Variants in TAFA2 observed in about 807,000 individuals in gnomAD.
TAFA2 encodes chemokine-like protein TAFA-2.
Under a neutral mutation model 18.8 loss-of-function variants are expected in TAFA2, and 7 were observed. That is an observed-to-expected ratio of 0.37 (90% confidence interval 0.21 to 0.70). The LOEUF (loss-of-function observed/expected upper bound fraction) is 0.70, where lower values mean the gene tolerates loss of function less well. Ranked by LOEUF, TAFA2 falls within the 30% of genes least tolerant of loss-of-function variation. TAFA2 has a pLI of 0.53. For missense variants in TAFA2, 122 were observed against 158.1 expected (o/e 0.77, Z 1.23); for synonymous variants, 60 against 54.2 (o/e 1.11, Z -0.47).
intron 1 of TAFA2, among the ~76,000 whole-genome samples, chr12:61,871,497 A>C (rs959315355): frequency 6.6e-6 from 1 of 152,238 alleles, no homozygotes; most frequent in Non-Finnish European, 1.5e-5. Flanking sequence ...TGAATTTTGC[A>C]AAAAGCAAAA....
chr12:61,785,538 T>C (rs996480482), intron 2 of TAFA2, among the ~76,000 whole-genome samples: 2 of 151,528 alleles, frequency 1.3e-5, no homozygotes, highest in African/African-American at 2.4e-5. Context: ...GGCCAGATTA[T>C]TTCTACTTGT....
At chr12:61,931,758 A>G (rs763354757) in intron 1 of TAFA2, among the ~76,000 whole-genome samples, 1 of 152,172 alleles carries the variant, frequency 6.6e-6, no homozygotes, top group African/African-American at 2.4e-5. Context: ...GTGGGCTTAT[A>G]TAGCAACTTT....
intron 1 of TAFA2, among the ~76,000 whole-genome samples, chr12:62,203,987 C>T (rs1224054735): frequency 6.6e-6 from 1 of 152,082 alleles, no homozygotes; most frequent in Non-Finnish European, 1.5e-5. Context: ...TTTTCTTTTC[C>T]ACATTTAGTG....
intron 1 of TAFA2, among the ~76,000 whole-genome samples, chr12:62,022,614 C>G (rs940832205): frequency 2.6e-5 from 4 of 152,152 alleles, no homozygotes; most frequent in African/African-American, 9.7e-5. Flanking sequence ...TCTTGTCGAA[C>G]TGGGTACTTA....
chr12:61,750,562 G>A (rs1466075392), intron 4 of TAFA2, among the ~76,000 whole-genome samples: 1 of 152,068 alleles, frequency 6.6e-6, no homozygotes, highest in Non-Finnish European at 1.5e-5. Flanking sequence ...CACATTTGTA[G>A]TAAGTACAAT....
chr12:62,081,920 A>C (rs920320745), intron 1 of TAFA2, among the ~76,000 whole-genome samples: 1 of 151,968 alleles, frequency 6.6e-6, no homozygotes, highest in Non-Finnish European at 1.5e-5. Flanking sequence ...TCCGTTAGCT[A>C]TTCTTCCTGA....
Position 61,836,578 on chromosome 12 carries a change from T to C in TAFA2, c.106+30742A>G, listed in dbSNP as rs115224989. 8.9e-3 allele frequency among the ~76,000 whole-genome samples: 1,344 copies of C among 151,776 alleles called. 20 individuals carry two copies. The highest frequency in any genetic ancestry group is 0.031 in the African/African-American group (1,279 of 41,472). On this transcript the variant is annotated intron_variant, in intron 2 of 4. Coordinates refer to ENST00000416284, the MANE Select transcript of TAFA2 (RefSeq NM_178539.5). ...TAATCACTGCTAATCTCAATTACAC[T>C]GAGTAACTTATTCCTTAACAAAATC...
chr12:62,235,762 T>C (rs1484422365), intron 1 of TAFA2, among the ~76,000 whole-genome samples: 2 of 152,154 alleles, frequency 1.3e-5, no homozygotes, highest in Non-Finnish European at 2.9e-5. Flanking sequence ...TTGTTTGTTT[T>C]TGTTTTTTAG....
chr12:61,990,792 G>T (rs987768041), intron 1 of TAFA2, among the ~76,000 whole-genome samples: 1 of 152,142 alleles, frequency 6.6e-6, no homozygotes, highest in Non-Finnish European at 1.5e-5. Context: ...CATTCTAACT[G>T]CTTGAATCCG....
intron 1 of TAFA2, among the ~76,000 whole-genome samples, chr12:61,887,850 T>C (rs1478650582): frequency 2.6e-5 from 4 of 151,712 alleles, no homozygotes; most frequent in Non-Finnish European, 1.5e-5. Flanking sequence ...GACATTTGGG[T>C]TGGTTCCAAG....
chr12:61,838,336 A>T (rs934783125), intron 2 of TAFA2, among the ~76,000 whole-genome samples: 12 of 152,048 alleles, frequency 7.9e-5, no homozygotes, highest in Non-Finnish European at 1.6e-4. Context: ...ATTTGCTTCC[A>T]ATAAATCCCG....
chr12:62,160,206 T>C (rs370297848), intron 1 of TAFA2, among the ~76,000 whole-genome samples: 90 of 152,330 alleles, frequency 5.9e-4, no homozygotes, highest in African/African-American at 2.2e-3. Flanking sequence ...GATGTCCCTG[T>C]TGGGCTTTCT....
intron 2 of TAFA2, among the ~76,000 whole-genome samples, chr12:61,811,710 A>G (rs1270957876): frequency 2.0e-5 from 3 of 151,402 alleles, no homozygotes; most frequent in Non-Finnish European, 4.4e-5. Context: ...ATTACAATTA[A>G]TATTGGCCCT....
At chr12:61,909,614 A>G (rs755631106) in intron 1 of TAFA2, among the ~76,000 whole-genome samples, 1 of 152,210 alleles carries the variant, frequency 6.6e-6, no homozygotes, top group East Asian at 1.9e-4. Context: ...AGCGATAGTC[A>G]TGTGGGAAGG....
chr12:61,972,377 A>G (rs1879279004), intron 1 of TAFA2, among the ~76,000 whole-genome samples: 1 of 151,364 alleles, frequency 6.6e-6, no homozygotes, highest in African/African-American at 2.4e-5. Context: ...AAAGTTGAGA[A>G]GGGAAGATCC....
At chr12:62,006,114 A>G (rs554152010) in intron 1 of TAFA2, among the ~76,000 whole-genome samples, 15 of 152,224 alleles carry the variant, frequency 9.9e-5, no homozygotes, top group Non-Finnish European at 2.2e-4. Flanking sequence ...TTTGAACAGT[A>G]TAAAATCTAC....
At position 61,785,355 on chromosome 12, in the gene TAFA2, G is replaced by T. The variant is rs913472157; in HGVS notation, c.107-30331C>A. Among the ~76,000 whole-genome samples the T allele has an allele frequency of 3.2e-4, 41 of 127,512 alleles. No homozygotes were observed. The East Asian group carries it at 9.6e-3, about 30-fold the overall frequency. 83.7% of individuals were successfully genotyped at this position (127,512 alleles called of 152,430 possible). The stretch of plus-strand genomic sequence containing the variant: ...TGTGTGTGTGTGTGTGTGTGTGTGT[G>T]TGTGTTTGTGTGTGTGTGTCACATT... On this transcript the variant is annotated intron_variant, in intron 2 of 4. Transcript: ENST00000416284.
rs546505992 is a variant in TAFA2 at position 62,221,274 on chromosome 12, A to G, written c.-130+37489T>C. On this transcript the variant is annotated intron_variant, in intron 1 of 5. Transcript: ENST00000551619. ...GGAAGGAAGGAAGGAAGTTTGAAAG[A>G]AAAGAAACAAAAATATTCACCAAAA... Among the ~76,000 whole-genome samples, 15 of 128,040 alleles carry G rather than the reference A, an allele frequency of 1.2e-4. No homozygotes were observed. In the East Asian group the frequency reaches 2.1e-3, roughly 18 times the overall value. 84.0% of individuals were successfully genotyped at this position (128,040 alleles called of 152,430 possible). A position where few individuals can be genotyped will look rare whatever the true frequency, so the allele number is the denominator to read the frequency against.
chr12:62,007,324 T>G (rs1880587177), intron 1 of TAFA2, among the ~76,000 whole-genome samples: 1 of 152,204 alleles, frequency 6.6e-6, no homozygotes, highest in Non-Finnish European at 1.5e-5. Context: ...CACCACATCC[T>G]CTTACCCTGA....
Sources: gnomAD v4.1 joint callset for allele counts (sites outside exome capture counted in the v4.1 genomes callset) on GRCh38, gnomAD v4.1.1 for gene constraint, MANE v1.5 for transcripts, NCBI Gene and HGNC (gene_info 2026-07-23, HGNC 2026-07-21) for gene names.